The following PCDHA2 variants were observed in gnomAD, a reference collection of about 807,000 sequenced individuals.
PCDHA2 encodes the protein protocadherin alpha 2.
PCDHA2 carries 58 observed loss-of-function variants against 66.0 expected under a neutral mutation model. The observed-to-expected ratio is 0.88, with a 90% CI of 0.71 to 1.09. The LOEUF is 1.09. PCDHA2 is among the 50% of genes least tolerant of loss of function. The pLI is 0.00. For synonymous variants in PCDHA2, 634 were observed against 554.0 expected (o/e 1.14, Z -2.03); for missense variants, 1,267 against 1,242.3 (o/e 1.02, Z -0.30).
At chr5:140,997,062 G>T (rs1159348962) in intron 3 of PCDHA2, among the ~76,000 whole-genome samples, 2 of 151,910 alleles carry the variant, frequency 1.3e-5, no homozygotes, top group African/African-American at 4.8e-5. Flanking sequence ...GCAGTTTTAG[G>T]TTCACAGGAA....
chr5:140,970,400 C>T (rs1586425210), intron 1 of PCDHA2, among the ~76,000 whole-genome samples: 1 of 152,162 alleles, frequency 6.6e-6, no homozygotes, highest in Non-Finnish European at 1.5e-5. Context: ...AAGTGGATGG[C>T]TTACCCTACA....
intron 1 of PCDHA2, chr5:140,812,217 A>AT (rs1435188779): frequency 6.6e-6 from 1 of 151,494 alleles, no homozygotes; most frequent in Non-Finnish European, 1.5e-5. Context: ...CTTTGTTTAG[A>AT]TTTTTTATGA....
At chr5:140,925,833 CG>C (rs2082756406) in intron 1 of PCDHA2, among the ~76,000 whole-genome samples, 1 of 152,070 alleles carries the variant, frequency 6.6e-6, no homozygotes, top group Admixed American at 6.5e-5. Flanking sequence ...GGGGACGGGT[CG>C]TCAAGTCTTT....
At chr5:140,824,425 C>T (rs1768118879) in intron 1 of PCDHA2, 1 of 502,786 alleles carries the variant, frequency 2.0e-6, no homozygotes, top group Non-Finnish European at 3.5e-6. Flanking sequence ...TGGAGTCATT[C>T]TCAAAGTTTC....
At chr5:140,798,219 A>C (rs1762304205) in intron 1 of PCDHA2, among the ~76,000 whole-genome samples, 2 of 152,116 alleles carry the variant, frequency 1.3e-5, no homozygotes, top group Admixed American at 1.3e-4. Context: ...TTAACACCAG[A>C]ATTTCCAAAA....
chr5:140,971,919 C>G (rs529852735), intron 1 of PCDHA2, among the ~76,000 whole-genome samples: 1 of 152,162 alleles, frequency 6.6e-6, no homozygotes, highest in South Asian at 2.1e-4. Context: ...AGCCACACTG[C>G]TAGTGTTATT....
intron 1 of PCDHA2, chr5:140,862,937 A>G: frequency 1.8e-6 from 1 of 544,138 alleles, no homozygotes; most frequent in Non-Finnish European, 3.6e-6. Flanking sequence ...CGGCGCTGTG[A>G]GTGAGCTGGT....
At chr5:140,801,260 C>A (rs1290805371) in intron 1 of PCDHA2, 1 of 1,613,632 alleles carries the variant, frequency 6.2e-7, no homozygotes, top group Non-Finnish European at 8.5e-7. Context: ...TTCTGCTCCT[C>A]GCAGCCTCGG....
At chr5:140,809,219 GCCT>G (rs1554125089) in intron 1 of PCDHA2, 8 of 1,614,078 alleles carry the variant, frequency 5.0e-6, no homozygotes. Context: ...GGCGCCAAAG[GCCT>G]CCTCACGGGC....
At chr5:140,822,247 G>T (rs1383794948) in intron 1 of PCDHA2, 1 of 1,614,236 alleles carries the variant, frequency 6.2e-7, no homozygotes, top group East Asian at 2.2e-5. Flanking sequence ...GGGCGCGTCG[G>T]ATTTGGATAT....
At chr5:140,825,403 T>C (rs1186037363) in intron 1 of PCDHA2, 1 of 146,224 alleles carries the variant, frequency 6.8e-6, no homozygotes, top group South Asian at 2.1e-4. Context: ...TAATATATTA[T>C]ATATTTTATA....
intron 1 of PCDHA2, chr5:140,830,167 G>T (rs1247870585): frequency 1.9e-6 from 3 of 1,613,430 alleles, no homozygotes; most frequent in Non-Finnish European, 2.5e-6. Context: ...CAGAGGCGGC[G>T]CTGGTGGATG....
At chr5:140,810,682 C>G (rs1443400304) in intron 1 of PCDHA2, 1 of 151,610 alleles carries the variant, frequency 6.6e-6, no homozygotes, top group Non-Finnish European at 1.5e-5. Context: ...TTTTTCTCTT[C>G]TTTTTGCTTC....
intron 1 of PCDHA2, chr5:140,870,784 G>A: frequency 6.2e-7 from 1 of 1,613,574 alleles, no homozygotes; most frequent in South Asian, 1.1e-5. Context: ...GAACGACAAC[G>A]CGCCGGCACT....
intron 3 of PCDHA2, among the ~76,000 whole-genome samples, chr5:140,992,543 T>G (rs1226407687): frequency 6.6e-6 from 1 of 152,186 alleles, no homozygotes; most frequent in African/African-American, 2.4e-5. Flanking sequence ...CTGTCACAAG[T>G]GATGCCAGGA....
chr5:140,841,559 C>A, intron 1 of PCDHA2: 1 of 1,613,852 alleles, frequency 6.2e-7, no homozygotes, highest in Non-Finnish European at 8.5e-7. Flanking sequence ...GGTAAGTCTG[C>A]AGAATGGCAT....
chr5:140,888,343 G>C (rs1476390329), intron 1 of PCDHA2, among the ~76,000 whole-genome samples: 1 of 152,152 alleles, frequency 6.6e-6, no homozygotes, highest in Admixed American at 6.5e-5. Context: ...ATTACAACTA[G>C]GGAATTGCTA....
chr5:140,838,122 GTGTGTGTGTT>G (rs1205252659), intron 1 of PCDHA2, among the ~76,000 whole-genome samples: 1 of 144,084 alleles, frequency 6.9e-6, no homozygotes, highest in Admixed American at 7.0e-5. Context: ...GTGTGTGTGT[GTGTGTGTGTT>G]TGACAGAGTT....
At chr5:140,827,044 G>T (rs182892047) in intron 1 of PCDHA2, among the ~76,000 whole-genome samples, 16 of 152,300 alleles carry the variant, frequency 1.1e-4, no homozygotes. Flanking sequence ...TGAATTTGGG[G>T]ATTATTAATA....
Sources: gnomAD v4.1 joint callset for allele counts (sites outside exome capture counted in the v4.1 genomes callset) on GRCh38, gnomAD v4.1.1 for gene constraint, MANE v1.5 for transcripts, NCBI Gene and HGNC (gene_info 2026-07-23, HGNC 2026-07-21) for gene names.